Variants in MAPK10 observed in about 807,000 individuals in gnomAD.
MAPK10 encodes the protein mitogen-activated protein kinase 10.
A neutral mutation model predicts 59.3 loss-of-function variants in MAPK10; 25 were observed. The observed-to-expected ratio is 0.42, with a 90% CI of 0.31 to 0.59. The LOEUF is 0.59. Ranked by LOEUF, MAPK10 falls within the 20% of genes least tolerant of loss-of-function variation. MAPK10 has a pLI of 0.15. For missense variants in MAPK10, 351 were observed against 568.9 expected, an observed-to-expected ratio of 0.62 and a Z score of 3.90; for synonymous variants, 190 against 200.5, an observed-to-expected ratio of 0.95 and a Z score of 0.44.
chr4:86,423,037 A>T (rs1459204100), intron 1 of MAPK10, among the ~76,000 whole-genome samples: 1 of 152,136 alleles, frequency 6.6e-6, no homozygotes, highest in Non-Finnish European at 1.5e-5. Context: ...CCTTTCCTGA[A>T]CCCTCACTTC....
intron 1 of MAPK10, among the ~76,000 whole-genome samples, chr4:86,584,946 T>C (rs1414656146): frequency 6.6e-6 from 1 of 152,154 alleles, no homozygotes; most frequent in East Asian, 1.9e-4. Context: ...AGTAGCTCAA[T>C]AATATCCAAT....
chr4:86,131,327 G>A (rs2060965667), intron 4 of MAPK10, among the ~76,000 whole-genome samples: 1 of 152,126 alleles, frequency 6.6e-6, no homozygotes, highest in Admixed American at 6.6e-5. Flanking sequence ...AAGTGTTTAA[G>A]AGGAGTAGAG....
At chr4:86,567,665 T>C (rs190373663) in intron 1 of MAPK10, among the ~76,000 whole-genome samples, 8 of 152,320 alleles carry the variant, frequency 5.3e-5, no homozygotes. Flanking sequence ...CTTAAATTTA[T>C]ACAAATAAAT....
intron 2 of MAPK10, among the ~76,000 whole-genome samples, chr4:86,295,476 C>T (rs1313672923): frequency 2.6e-5 from 4 of 152,050 alleles, no homozygotes; most frequent in Admixed American, 2.6e-4. Flanking sequence ...CCCTTCCCTA[C>T]ATTATAACCT....
At chr4:86,239,691 G>A (rs181007188) in intron 2 of MAPK10, among the ~76,000 whole-genome samples, 113 of 151,136 alleles carry the variant, frequency 7.5e-4, no homozygotes, top group East Asian at 5.9e-4. Context: ...GGTCAGTGGC[G>A]ATATCCTCTT....
At chr4:86,566,737 G>A (rs1224016361) in intron 1 of MAPK10, among the ~76,000 whole-genome samples, 1 of 151,344 alleles carries the variant, frequency 6.6e-6, no homozygotes, top group African/African-American at 2.4e-5. Flanking sequence ...AGTCTATATT[G>A]TAACTAATCA....
chr4:86,354,102 T>TGG (rs1554241418), intron 2 of MAPK10, among the ~76,000 whole-genome samples: 1,715 of 148,182 alleles, frequency 0.012, 21 homozygotes, highest in African/African-American at 0.028. Flanking sequence ...AAGAGCTAAA[T>TGG]TGTGTGTGTG....
intron 3 of MAPK10, among the ~76,000 whole-genome samples, chr4:86,173,927 T>A (rs1357942845): frequency 8.1e-6 from 1 of 123,440 alleles, no homozygotes; most frequent in Non-Finnish European, 1.7e-5. Flanking sequence ...TGAGATAACA[T>A]CTCACACCAG....
chr4:86,179,118 C>A (rs573729617), intron 3 of MAPK10, among the ~76,000 whole-genome samples: 42 of 152,248 alleles, frequency 2.8e-4, no homozygotes, highest in African/African-American at 9.9e-4. Flanking sequence ...AGGAGAATCA[C>A]TTGAACCTGG....
rs954064002 is a variant in MAPK10, at chr4:86,101,000, G to A, written c.730+52C>T. ...AACATTCCCCTTGGCTATCTACAAC[G>A]TGCACCCGTTTCATTCATGGTTTTG... On this transcript the variant is annotated intron_variant, in intron 8 of 13. Transcript: ENST00000641462. 57 of 1,512,600 alleles carry A rather than the reference G, an allele frequency of 3.8e-5. No homozygotes were observed. The Admixed American group carries it at 3.9e-4, about 10-fold the overall frequency. 93.7% of individuals were successfully genotyped at this position (1,512,600 alleles called of 1,614,324 possible). A position where few individuals can be genotyped will look rare whatever the true frequency, so the allele number is the denominator to read the frequency against.
chr4:86,391,935 A>G (rs1403538084), intron 1 of MAPK10, among the ~76,000 whole-genome samples: 1 of 152,186 alleles, frequency 6.6e-6, no homozygotes, highest in Non-Finnish European at 1.5e-5. Context: ...TTAGCAGTAC[A>G]TTCCCTTCCC....
Position 86,337,978 on chromosome 4 carries a change from T to A in MAPK10, c.-7+16552A>T, listed in dbSNP as rs373057608. On this transcript the variant is annotated intron_variant, in intron 2 of 13. Coordinates refer to ENST00000641462, the MANE Select transcript of MAPK10 (RefSeq NM_138982.4). ...CTTAAGATATAATGGCAAGACATCTTCCTCTCGGCCTTCCTTGACTAAACT... is the reference window on the plus strand; with the variant it reads ...CTTAAGATATAATGGCAAGACATCTACCTCTCGGCCTTCCTTGACTAAACT... Among the ~76,000 whole-genome samples, 36 of 152,334 alleles carry A rather than the reference T, an allele frequency of 2.4e-4. No individual in the cohort carries two copies. In the East Asian group the frequency reaches 6.0e-3, roughly 25 times the overall value.
chr4:86,399,658 C>G (rs952634114), intron 1 of MAPK10: 1 of 152,172 alleles, frequency 6.6e-6, no homozygotes, highest in Non-Finnish European at 1.5e-5. Flanking sequence ...AACAAACTCA[C>G]TACTGAGCAC....
intron 2 of MAPK10, among the ~76,000 whole-genome samples, chr4:86,345,859 A>T (rs1727864415): frequency 6.6e-6 from 1 of 152,214 alleles, no homozygotes; most frequent in Non-Finnish European, 1.5e-5. Context: ...TTTAGTACCT[A>T]TGATCCAAAA....
At chr4:86,251,285 A>C (rs1243426250) in intron 2 of MAPK10, among the ~76,000 whole-genome samples, 1 of 152,034 alleles carries the variant, frequency 6.6e-6, no homozygotes, top group African/African-American at 2.4e-5. Flanking sequence ...CTAACTCGTC[A>C]TCTAGCATTA....
At chr4:86,561,393 G>A (rs1268749611) in intron 1 of MAPK10, among the ~76,000 whole-genome samples, 1 of 152,214 alleles carries the variant, frequency 6.6e-6, no homozygotes, top group African/African-American at 2.4e-5. Flanking sequence ...TCTATAATGT[G>A]TTAATAGTCC....
intron 1 of MAPK10, among the ~76,000 whole-genome samples, chr4:86,505,059 T>C (rs1014481399): frequency 2.0e-5 from 3 of 152,180 alleles, no homozygotes; most frequent in Non-Finnish European, 4.4e-5. Flanking sequence ...AGTGCTCTGC[T>C]CACTGCTTTC....
At chr4:86,159,166 T>A (rs945603901) in intron 4 of MAPK10, 132 bp downstream of exon 4, 27 of 605,744 alleles carry the variant, frequency 4.5e-5, no homozygotes, top group Non-Finnish European at 6.4e-5. Context: ...TATTTTTTTT[T>A]CTTCAGTAGG....
At chr4:86,303,632 C>T (rs1324250299) in intron 2 of MAPK10, among the ~76,000 whole-genome samples, 1 of 152,156 alleles carries the variant, frequency 6.6e-6, no homozygotes, top group Admixed American at 6.5e-5. Flanking sequence ...GTGGTATTTT[C>T]ACCACATCTC....
Sources: allele counts gnomAD v4.1 joint callset (sites outside exome capture counted in the v4.1 genomes callset), GRCh38; gene constraint gnomAD v4.1.1; transcripts MANE v1.5; gene names NCBI Gene and HGNC (gene_info 2026-07-23, HGNC 2026-07-21).